Variants in MRC1 observed in about 807,000 individuals in gnomAD.
The protein encoded by MRC1 is macrophage mannose receptor 1.
In MRC1, 62 loss-of-function variants were observed where a neutral mutation model predicts 102.9. That is an observed-to-expected ratio of 0.60 (90% CI 0.49 to 0.74). The LOEUF (loss-of-function observed/expected upper bound fraction) is 0.74, where lower values mean the gene tolerates loss of function less well. MRC1 is among the 30% of genes least tolerant of loss of function. The probability of loss-of-function intolerance (pLI) is 0.00; values close to 1 mark genes in which losing one functional copy is unlikely to be tolerated. For missense variants in MRC1, 1,237 were observed against 862.8 expected (o/e 1.43, Z -5.43); for synonymous variants, 457 against 298.4 (o/e 1.53, Z -5.48).
Position 17,873,794 on chromosome 10 carries a change from A to C in MRC1, c.2355A>C (p.Pro785=). 1 of 872,654 alleles carries C rather than the reference A, an allele frequency of 1.1e-6. No homozygotes were observed. Among genetic ancestry groups the C allele is most frequent in the Non-Finnish European group, 2.0e-6 (1 of 501,408 alleles). 54.1% of individuals were successfully genotyped at this position (872,654 alleles called of 1,614,324 possible). A position where few individuals can be genotyped will look rare whatever the true frequency, so the allele number is the denominator to read the frequency against. The stretch of plus-strand genomic sequence containing the variant: ...TCTCTTGTTTTACAGGACAAACACC[A>C]AAACCTGAGCCAACACCAGCTCCTC... The part of the protein sequence containing the change: ...WICQIQKGQT[P]KPEPTPAPQD... Residue 785 remains proline (P), a synonymous_variant, in exon 16 of 30, where the codon CCA becomes CCC. Coordinates refer to ENST00000569591, the MANE Select transcript of MRC1 (RefSeq NM_002438.4).
At chr10:17,903,432 C>T (rs1833857113) in intron 26 of MRC1, among the ~76,000 whole-genome samples, 2 of 134,886 alleles carry the variant, frequency 1.5e-5, no homozygotes, top group Non-Finnish European at 3.1e-5. Flanking sequence ...GTCTCATTCC[C>T]TCGCCCAGGC....
intron 26 of MRC1, among the ~76,000 whole-genome samples, chr10:17,902,621 C>A (rs1163835838): frequency 1.3e-5 from 2 of 152,170 alleles, no homozygotes; most frequent in Non-Finnish European, 2.9e-5. Flanking sequence ...TTAAAAGCCA[C>A]TTAGTTAAAT....
intron 4 of MRC1, among the ~76,000 whole-genome samples, chr10:17,837,827 C>T (rs1838692576): frequency 6.6e-6 from 1 of 151,908 alleles, no homozygotes; most frequent in South Asian, 2.1e-4. Context: ...TTTTGAACTC[C>T]TGAGCTCAGC....
At chr10:17,833,542 A>C (rs1273088523) in intron 3 of MRC1, 133 bp from the exon 4 acceptor site, 2 of 707,540 alleles carry the variant, frequency 2.8e-6, no homozygotes, top group African/African-American at 3.6e-5. Context: ...AAAAAAGTAG[A>C]AAGGGGGAAA....
At chr10:17,880,798 T>A (rs1032422241) in intron 20 of MRC1, 128 bp downstream of exon 20, 2 of 757,168 alleles carry the variant, frequency 2.6e-6, no homozygotes, top group Non-Finnish European at 4.9e-6. Context: ...AGGTGAAAAT[T>A]CGCGTGACAA....
At chr10:17,889,384 C>T (rs1228151204) in intron 22 of MRC1, among the ~76,000 whole-genome samples, 1 of 152,116 alleles carries the variant, frequency 6.6e-6, no homozygotes, top group Non-Finnish European at 1.5e-5. Context: ...TTGTTCTCCA[C>T]TCCTAGCATA....
Position 17,880,541 on chromosome 10 carries a change from T to C in MRC1, c.2736T>C (p.Ile912=). Residue 912 remains isoleucine, a synonymous_variant, in exon 20 of 30, where the codon ATT becomes ATC. Coordinates refer to ENST00000569591, the MANE Select transcript of MRC1 (RefSeq NM_002438.4). ...CTTTGCCAGGGTTTTGGAATGACATTAACTGTGGCTATCCAAACGCCTTCA... is the reference window on the plus strand; with the variant it reads ...CTTTGCCAGGGTTTTGGAATGACATCAACTGTGGCTATCCAAACGCCTTCA... ...MYSNSGFWND[I]NCGYPNAFIC... The C allele has an allele frequency of 1.3e-6, 1 of 780,872 alleles. No homozygotes were observed. The allele number at this position is 780,872 out of a possible 1,614,324, so 48.4% of individuals were successfully genotyped here. A position where few individuals can be genotyped will look rare whatever the true frequency, so the allele number is the denominator to read the frequency against.
rs979221486 is a variant in MRC1 at position 17,886,324 on chromosome 10, C to T, written c.3147+889C>T. ...CCTTCCTTCCTTCCTTCCCTCCTTC[C>T]TTCCTTCCTTCCTTCTTCTTTCCCT... On this transcript the variant is annotated intron_variant, in intron 22 of 29. Transcript: ENST00000569591. 2.1e-4 allele frequency among the ~76,000 whole-genome samples: 31 copies of T among 150,706 alleles called. No homozygotes were observed. In the East Asian group the frequency reaches 5.3e-3, roughly 26 times the overall value.
chr10:17,831,359 T>G (rs1838569911), intron 3 of MRC1, among the ~76,000 whole-genome samples: 1 of 151,412 alleles, frequency 6.6e-6, no homozygotes, highest in South Asian at 2.1e-4. Flanking sequence ...AATTTAGCAT[T>G]ACTGATTCAA....
At chr10:17,891,468 C>T (rs1833675373) in intron 22 of MRC1, among the ~76,000 whole-genome samples, 1 of 152,048 alleles carries the variant, frequency 6.6e-6, no homozygotes, top group Non-Finnish European at 1.5e-5. Flanking sequence ...GCCCGGTGCT[C>T]ATTATTTTAT....
intron 25 of MRC1, among the ~76,000 whole-genome samples, chr10:17,901,515 C>T (rs1386002438): frequency 3.3e-5 from 5 of 151,964 alleles, no homozygotes; most frequent in Non-Finnish European, 5.9e-5. Context: ...ATGGTGAAAC[C>T]CCTTCTCTAC....
At chr10:17,819,897 A>T (rs904078088) in intron 1 of MRC1, among the ~76,000 whole-genome samples, 43 of 152,178 alleles carry the variant, frequency 2.8e-4, no homozygotes, top group Non-Finnish European at 4.3e-4. Context: ...GTGAGCTGTG[A>T]TTGCACTACT....
chr10:17,839,000 A>C (rs1838710909), intron 4 of MRC1, among the ~76,000 whole-genome samples: 1 of 152,170 alleles, frequency 6.6e-6, no homozygotes, highest in Admixed American at 6.5e-5. Flanking sequence ...ATTTTAACCC[A>C]AGATTTGAAT....
In MRC1 at chr10:17,866,551, A is replaced by G. The variant is rs782344328; in HGVS notation, c.1784-11A>G. 3.8e-6 allele frequency: 3 copies of G among 780,832 alleles called. 1 individual carries two copies. In the South Asian group the frequency reaches 4.0e-5, roughly 10 times the overall value. The allele number at this position is 780,832 out of a possible 1,614,324, so 48.4% of individuals were successfully genotyped here. ...CTGTCAAGTGAATTCTACTTCATAT[A>G]TTTAATGCAGGGCGAAAGCCAGGGT... On this transcript the variant is annotated splice_polypyrimidine_tract_variant and intron_variant, in intron 11 of 29. Transcript: ENST00000569591.
chr10:17,895,515 T>G (rs1312703602), intron 23 of MRC1, among the ~76,000 whole-genome samples: 2 of 152,172 alleles, frequency 1.3e-5, no homozygotes, highest in Non-Finnish European at 2.9e-5. Flanking sequence ...ACTTTTGGCA[T>G]AAAGCATCAT....
At chr10:17,809,892 C>T (rs1353860184) in intron 1 of MRC1, among the ~76,000 whole-genome samples, 1 of 152,152 alleles carries the variant, frequency 6.6e-6, no homozygotes, top group Non-Finnish European at 1.5e-5. Context: ...CTATTTCTGT[C>T]TCACCGCCAA....
chr10:17,814,690 T>C (rs1838279572), intron 1 of MRC1, among the ~76,000 whole-genome samples: 1 of 143,382 alleles, frequency 7.0e-6, no homozygotes, highest in Non-Finnish European at 1.5e-5. Context: ...TTTTTTTTTT[T>C]TTTTTTTTTT....
intron 21 of MRC1, among the ~76,000 whole-genome samples, chr10:17,883,257 A>C (rs1006499154): frequency 1.8e-4 from 28 of 152,246 alleles, no homozygotes; most frequent in African/African-American, 5.5e-4. Flanking sequence ...CCTCCCAAGT[A>C]GCTGGGACTA....
intron 5 of MRC1, among the ~76,000 whole-genome samples, chr10:17,842,020 T>C (rs1394571163): frequency 1.1e-4 from 17 of 152,344 alleles, no homozygotes; most frequent in African/African-American, 4.1e-4. Flanking sequence ...TGGAGTGCAG[T>C]GGCGCAGTCT....
Sources: allele counts gnomAD v4.1 joint callset (sites outside exome capture counted in the v4.1 genomes callset), GRCh38; gene constraint gnomAD v4.1.1; transcripts MANE v1.5; gene names NCBI Gene and HGNC (gene_info 2026-07-23, HGNC 2026-07-21).